The following SBNO2 variants were observed in gnomAD, a reference collection of about 807,000 sequenced individuals.
SBNO2 encodes the protein protein strawberry notch homolog 2.
A neutral mutation model predicts 146.3 loss-of-function variants in SBNO2; 89 were observed. The ratio of observed to expected loss-of-function variants is 0.61; its 90% CI spans 0.51 to 0.73. The LOEUF (loss-of-function observed/expected upper bound fraction) is 0.73, where lower values mean the gene tolerates loss of function less well. SBNO2 is among the 30% of genes least tolerant of loss of function. The pLI is 0.00. For synonymous variants in SBNO2, 1,147 were observed against 892.6 expected, an observed-to-expected ratio of 1.29 and a Z score of -5.08; for missense variants, 2,092 against 2,003.7, an observed-to-expected ratio of 1.04 and a Z score of -0.84.
chr19:1,161,358 C>T (rs1168764324), intron 1 of SBNO2, among the ~76,000 whole-genome samples: 6 of 37,162 alleles, frequency 1.6e-4, no homozygotes, highest in African/African-American at 6.5e-4. Context: ...GTACTGGGGG[C>T]GCCTGAGTAC....
At position 1,109,078 on chromosome 19, in the gene SBNO2, C is replaced by A. The variant is rs2145181806; in HGVS notation, c.3425+57G>T. On this transcript the variant is annotated intron_variant, in intron 30 of 31. Coordinates refer to ENST00000361757, the MANE Select transcript of SBNO2 (RefSeq NM_014963.3). The surrounding 1 kb of genome is among the most constrained non-coding windows in gnomAD (Gnocchi z 4.2). ...TCTCAGGGTCTCGGGAGCCCCCGAT[C>A]CCCGCCTGGGTCGCCGCCATCTGCC... is the stretch of plus-strand genomic sequence containing the variant. 3 of 1,536,462 alleles carry A rather than the reference C, an allele frequency of 2.0e-6. 1 individual carries two copies. In the South Asian group the frequency reaches 3.6e-5, roughly 18 times the overall value.
intron 4 of SBNO2, among the ~76,000 whole-genome samples, chr19:1,139,561 G>A (rs1272322353): frequency 2.6e-5 from 4 of 152,158 alleles, no homozygotes; most frequent in South Asian, 2.1e-4. Context: ...TTGGGAGGCC[G>A]AGGCGGATGG....
At chr19:1,127,039 C>T (rs980029976) in intron 5 of SBNO2, among the ~76,000 whole-genome samples, 2 of 152,220 alleles carry the variant, frequency 1.3e-5, no homozygotes. Flanking sequence ...CAGCTCCCCA[C>T]CCTGGGACAG....
At chr19:1,147,265 T>G (rs1331655546) in intron 4 of SBNO2, 44 bp downstream of exon 4, 1 of 1,343,906 alleles carries the variant, frequency 7.4e-7, no homozygotes, top group African/African-American at 1.5e-5. Flanking sequence ...CGGCCCAGAC[T>G]CCACCCTGCC....
At chr19:1,123,380 G>A (rs1020840871) in intron 7 of SBNO2, among the ~76,000 whole-genome samples, 154 bp downstream of exon 7, 6 of 152,140 alleles carry the variant, frequency 3.9e-5, no homozygotes, top group African/African-American at 1.4e-4. Context: ...TTTTGTATAA[G>A]CCTGGATTGT....
intron 4 of SBNO2, among the ~76,000 whole-genome samples, chr19:1,142,965 C>T (rs1431915290): frequency 2.0e-5 from 3 of 151,822 alleles, no homozygotes; most frequent in African/African-American, 7.3e-5. Context: ...AGTCGGTCTC[C>T]AGAAAAAAAA....
chr19:1,120,651 G>T (rs1337922343), intron 11 of SBNO2, among the ~76,000 whole-genome samples: 1 of 152,086 alleles, frequency 6.6e-6, no homozygotes, highest in Admixed American at 6.6e-5. Flanking sequence ...GATTACAGGT[G>T]TGAGCCGTGC....
chr19:1,113,503 C>A, intron 19 of SBNO2, 32 bp downstream of exon 19: 12 of 1,562,220 alleles, frequency 7.7e-6, no homozygotes, highest in Non-Finnish European at 1.0e-5. Context: ...CATGCCCCGC[C>A]CACCACACTC....
rs115495838 is a variant in SBNO2, at chr19:1,111,120, G to A, written c.2810-27C>T. The A allele has an allele frequency of 2.9e-3, 4,432 of 1,538,936 alleles. 93 individuals carry two copies. The African/African-American group carries it at 0.047, about 16-fold the overall frequency. On this transcript the variant is annotated intron_variant, in intron 24 of 31. Transcript: ENST00000361757. ...TGCGGGGAGAGGGGCCTCACATGCT[G>A]GTCTTCCCACCCCTGCCCCTCCCTC...
intron 1 of SBNO2, among the ~76,000 whole-genome samples, chr19:1,167,947 C>T (rs1451468184): frequency 6.6e-6 from 1 of 152,152 alleles, no homozygotes; most frequent in Non-Finnish European, 1.5e-5. Flanking sequence ...GTATCCCCCT[C>T]TCAGTGTAAC....
In SBNO2 at chr19:1,125,917, C is replaced by T. The variant is rs547329394; in HGVS notation, c.441+1687G>A. ...GCTGAGGCAGGAGGATCGCTTTAAC[C>T]CAGAAGGTCGAGGCTGAAATGGGCT... On this transcript the variant is annotated intron_variant, in intron 5 of 31. Coordinates refer to ENST00000361757, the MANE Select transcript of SBNO2 (RefSeq NM_014963.3). 2.0e-5 allele frequency among the ~76,000 whole-genome samples: 3 copies of T among 152,214 alleles called. No individual in the cohort carries two copies. The South Asian group carries it at 6.2e-4, about 32-fold the overall frequency.
At position 1,157,573 on chromosome 19, in the gene SBNO2, G is replaced by C. The variant is rs1005269621; in HGVS notation, c.-126-3171C>G. Reference sequence around the variant, plus strand: ...GGAGGGATGCGTGGTGTGGGGGTTGGGGGGGCGGGGGTCACACGGTTCCCA... The same window carrying C: ...GGAGGGATGCGTGGTGTGGGGGTTGCGGGGGCGGGGGTCACACGGTTCCCA... On this transcript the variant is annotated intron_variant, in intron 1 of 31. Coordinates refer to ENST00000361757, the MANE Select transcript of SBNO2 (RefSeq NM_014963.3). This position sits in a 1 kb window ranked among gnomAD's most constrained non-coding sequence, Gnocchi z 6.8. Among the ~76,000 whole-genome samples, 1 of 152,148 alleles carries C rather than the reference G, an allele frequency of 6.6e-6. No homozygotes were observed. Among genetic ancestry groups the C allele is most frequent in the Non-Finnish European group, 1.5e-5 (1 of 68,004 alleles).
At chr19:1,117,027 G>T in intron 15 of SBNO2, 101 bp from the exon 16 acceptor site, 1 of 1,136,322 alleles carries the variant, frequency 8.8e-7, no homozygotes, top group South Asian at 1.4e-5. Context: ...CCCTCACTCT[G>T]CTGCTGTGCT....
At chr19:1,131,870 G>T (rs779405239) in intron 4 of SBNO2, among the ~76,000 whole-genome samples, 8 of 152,200 alleles carry the variant, frequency 5.3e-5, no homozygotes, top group Non-Finnish European at 7.4e-5. Context: ...CTCCCAGCCC[G>T]AAGTCTTAAA....
At chr19:1,127,821 C>G in intron 4 of SBNO2, 56 bp from the exon 5 acceptor site, 1 of 1,556,538 alleles carries the variant, frequency 6.4e-7, no homozygotes, top group South Asian at 1.1e-5. Flanking sequence ...AAGGCCCCTC[C>G]ACGCACTGGA....
intron 1 of SBNO2, among the ~76,000 whole-genome samples, chr19:1,165,913 C>T (rs1176351885): frequency 9.6e-6 from 1 of 104,156 alleles, no homozygotes; most frequent in Non-Finnish European, 2.3e-5. Context: ...CCCCCAGACC[C>T]CAGATCCCAG....
At chr19:1,118,869 C>CA (rs1401571465) in intron 14 of SBNO2, 142 bp downstream of exon 14, 36 of 839,982 alleles carry the variant, frequency 4.3e-5, no homozygotes, top group Admixed American at 2.0e-4. Flanking sequence ...GAGACTGTCT[C>CA]AAAAAAACAA....
chr19:1,156,593 C>T (rs1444870959), intron 1 of SBNO2, among the ~76,000 whole-genome samples: 1 of 152,164 alleles, frequency 6.6e-6, no homozygotes, highest in Non-Finnish European at 1.5e-5. Context: ...CCCGAGGAAG[C>T]AGCCCAGTGT....
At position 1,107,970 on chromosome 19, in the gene SBNO2, AC is replaced by A. The variant is rs1400067124; in HGVS notation, c.*249del. 1 of 299,600 alleles carries A rather than the reference AC, an allele frequency of 3.3e-6. No homozygotes were observed. Among genetic ancestry groups the A allele is most frequent in the Non-Finnish European group, 6.2e-6 (1 of 161,074 alleles). 18.6% of individuals were successfully genotyped at this position (299,600 alleles called of 1,614,324 possible). Reference sequence around the variant, plus strand: ...GTGGGTGCCCAGTCCCAGAGCAGCCACCCGGAGCCCCTTCCTACTTGGGAGG... The same window carrying A: ...GTGGGTGCCCAGTCCCAGAGCAGCCACCGGAGCCCCTTCCTACTTGGGAGG... On this transcript the variant is annotated 3_prime_UTR_variant, in exon 32 of 32. Coordinates refer to ENST00000361757, the MANE Select transcript of SBNO2 (RefSeq NM_014963.3).
Sources: allele counts gnomAD v4.1 joint callset (sites outside exome capture counted in the v4.1 genomes callset), GRCh38; gene constraint gnomAD v4.1.1; non-coding constraint Gnocchi (gnomAD v3.1); transcripts MANE v1.5; gene names NCBI Gene and HGNC (gene_info 2026-07-23, HGNC 2026-07-21).